The following ANGPTL1 variants were observed in gnomAD, a reference collection of about 807,000 sequenced individuals.
The protein encoded by ANGPTL1 is angiopoietin-related protein 1.
A neutral mutation model predicts 46.7 loss-of-function variants in ANGPTL1; 36 were observed. That is an observed-to-expected ratio of 0.77 (90% CI 0.59 to 1.02). ANGPTL1 has a LOEUF of 1.02. Ranked by LOEUF, ANGPTL1 falls within the 50% of genes least tolerant of loss-of-function variation. ANGPTL1 has a pLI of 0.00. For synonymous variants in ANGPTL1, 221 were observed against 204.3 expected (o/e 1.08, Z -0.69); for missense variants, 571 against 594.7 (o/e 0.96, Z 0.41).
chr1:178,856,234 T>TACAC (rs1368301659), intron 3 of ANGPTL1, among the ~76,000 whole-genome samples: 13 of 128,778 alleles, frequency 1.0e-4, no homozygotes, highest in African/African-American at 3.8e-4. Flanking sequence ...TATATATATA[T>TACAC]GGTTTTGGGT....
chr1:178,854,503 A>G lies in ANGPTL1; in HGVS notation c.824-716T>C, dbSNP rs141918348. On this transcript the variant is annotated intron_variant, in intron 3 of 5. Coordinates refer to ENST00000234816, the MANE Select transcript of ANGPTL1 (RefSeq NM_004673.4). ...CTCATAGAATCTTAAATTTCCCCCA[A>G]CAACACTTACTAACAGCCCATGAGA... 9.2e-3 allele frequency among the ~76,000 whole-genome samples: 1,397 copies of G among 152,244 alleles called. 26 individuals carry two copies. The highest frequency in any genetic ancestry group is 0.03 in the African/African-American group (1,227 of 41,566).
In ANGPTL1 at chr1:178,865,514, A is replaced by G. The variant is rs1202208349; in HGVS notation, c.263T>C (p.Leu88Pro). ...DMITRMDLENLKDVLSRQKRE... is the reference protein window; with the variant it reads ...DMITRMDLENPKDVLSRQKRE... The stretch of plus-strand genomic sequence containing the variant: ...CTTCTGCCTGGAGAGCACATCCTTC[A>G]GGTTTTCAAGGTCCATCCTGGTGAT... The change falls in exon 3 of 6, where the codon CTG becomes CCG. Residue 88 changes from leucine to proline, a missense_variant. Physicochemically the swap from Leu to Pro is moderately conservative, Grantham distance 98 (BLOSUM62 -3). Coordinates refer to ENST00000234816, the MANE Select transcript of ANGPTL1 (RefSeq NM_004673.4). The G allele has an allele frequency of 6.2e-7, 1 of 1,613,954 alleles. No individual in the cohort carries two copies. Among genetic ancestry groups the G allele is most frequent in the East Asian group, 2.2e-5 (1 of 44,880 alleles).
intron 3 of ANGPTL1, among the ~76,000 whole-genome samples, chr1:178,860,654 A>G (rs1657939521): frequency 6.6e-6 from 1 of 152,218 alleles, no homozygotes; most frequent in Non-Finnish European, 1.5e-5. Context: ...TATGAATTTG[A>G]CCACTCTAAA....
At chr1:178,860,647 G>T (rs981361677) in intron 3 of ANGPTL1, among the ~76,000 whole-genome samples, 5 of 152,128 alleles carry the variant, frequency 3.3e-5, no homozygotes, top group African/African-American at 1.2e-4. Flanking sequence ...TTCTGTCTAT[G>T]AATTTGACCA....
In ANGPTL1 at chr1:178,865,069, A is replaced by ACCTC; in HGVS notation, c.704_707dup (p.Asn237ArgfsTer2). ...AACCTGGATCCCTCTGAATCTCGTT[A>ACCTC]CCTCCCAGCAGACCAGGAGTATACT... On this transcript the variant is annotated frameshift_variant, in exon 3 of 6. Coordinates refer to ENST00000234816, the MANE Select transcript of ANGPTL1 (RefSeq NM_004673.4). LOFTEE classifies it high-confidence loss of function. 6.6e-7 allele frequency: 1 copy of ACCTC among 1,516,248 alleles called. No homozygotes were observed. The highest frequency in any genetic ancestry group is 2.3e-5 in the East Asian group (1 of 43,756). 93.9% of individuals were successfully genotyped at this position (1,516,248 alleles called of 1,614,324 possible). A position where few individuals can be genotyped will look rare whatever the true frequency, so the allele number is the denominator to read the frequency against.
In ANGPTL1 at chr1:178,852,904, A is replaced by G. The variant is rs1290520063; in HGVS notation, c.1067T>C (p.Ile356Thr). Residue 356 changes from isoleucine (I) to threonine (T), a missense_variant, in exon 5 of 6, where the codon ATC (isoleucine) becomes ACC (threonine). Transcript: ENST00000234816. ...DGEYWLGLEN[I>T]YMLSNQDNYK... ...ATTATCTTGATTGCTAAGCATATAGATATTTTCCAGTCCAAGCCAGTATTC... is the reference window on the plus strand; with the variant it reads ...ATTATCTTGATTGCTAAGCATATAGGTATTTTCCAGTCCAAGCCAGTATTC... The G allele has an allele frequency of 3.1e-6, 5 of 1,613,700 alleles. No homozygotes were observed. In the Admixed American group the frequency reaches 5.0e-5, roughly 16 times the overall value.
chr1:178,866,037 G>A (rs1211732838), intron 2 of ANGPTL1, among the ~76,000 whole-genome samples: 1 of 152,062 alleles, frequency 6.6e-6, no homozygotes, highest in Non-Finnish European at 1.5e-5. Context: ...CCACCTTATT[G>A]TAATCCTTTT....
chr1:178,859,991 T>A (rs1657887342), intron 3 of ANGPTL1, among the ~76,000 whole-genome samples: 1 of 151,976 alleles, frequency 6.6e-6, no homozygotes, highest in Non-Finnish European at 1.5e-5. Context: ...CACTTCTACC[T>A]GTACCCCCTC....
At chr1:178,858,639 A>G (rs1572412878) in intron 3 of ANGPTL1, among the ~76,000 whole-genome samples, 2 of 152,342 alleles carry the variant, frequency 1.3e-5, no homozygotes, top group Admixed American at 1.3e-4. Context: ...TGTGAGGATT[A>G]AAGTTTACAT....
At chr1:178,867,408 T>G (rs566850313) in intron 2 of ANGPTL1, among the ~76,000 whole-genome samples, 1 of 152,210 alleles carries the variant, frequency 6.6e-6, no homozygotes, top group East Asian at 1.9e-4. Flanking sequence ...TCCCCTGTAT[T>G]TATGTAGCTT....
In ANGPTL1 at chr1:178,865,151, G is replaced by A; in HGVS notation, c.626C>T (p.Thr209Ile). The A allele has an allele frequency of 6.2e-7, 1 of 1,603,332 alleles. No individual in the cohort carries two copies. The highest frequency in any genetic ancestry group is 8.5e-7 in the Non-Finnish European group (1 of 1,173,082). ...QCLRIFSRQD[T>I]HVSPPLVQVV... ...CTGGACAAGTGGGGGAGACACATGG[G>A]TGTCTTGTCGGGAAAATATCCTCAA... Residue 209 changes from threonine to isoleucine, a missense_variant, in exon 3 of 6, where the codon ACC becomes ATC. Physicochemically the swap from Thr to Ile is moderately conservative, Grantham distance 89. Coordinates refer to ENST00000234816, the MANE Select transcript of ANGPTL1 (RefSeq NM_004673.4).
chr1:178,850,081 G>C lies in ANGPTL1; in HGVS notation c.*1048C>G, dbSNP rs928755523. 5 of 152,612 alleles carry C rather than the reference G, an allele frequency of 3.3e-5. No individual in the cohort carries two copies. The highest frequency in any genetic ancestry group is 1.2e-4 in the African/African-American group (5 of 41,440). The allele number at this position is 152,612 out of a possible 1,614,324, so 9.5% of individuals were successfully genotyped here. A position where few individuals can be genotyped will look rare whatever the true frequency, so the allele number is the denominator to read the frequency against. ...CACTGTAAAATGAAATTAGCAGTTT[G>C]GACTAAGCTATGCCCCTGTGGCTTC... On this transcript the variant is annotated 3_prime_UTR_variant, in exon 6 of 6. Coordinates refer to ENST00000234816, the MANE Select transcript of ANGPTL1 (RefSeq NM_004673.4).
chr1:178,851,468 G>A (rs917022675), intron 5 of ANGPTL1, 152 bp from the exon 6 acceptor site: 6 of 633,326 alleles, frequency 9.5e-6, no homozygotes, highest in Admixed American at 3.6e-5. Flanking sequence ...TCACTTACTT[G>A]ATGGCTGTTG....
chr1:178,851,952 A>G (rs1370280036), intron 5 of ANGPTL1, among the ~76,000 whole-genome samples: 1 of 152,158 alleles, frequency 6.6e-6, no homozygotes, highest in African/African-American at 2.4e-5. Flanking sequence ...AGTCAAAAGC[A>G]TATGAAAACT....
At chr1:178,863,387 C>T (rs200851496) in intron 3 of ANGPTL1, among the ~76,000 whole-genome samples, 1 of 151,854 alleles carries the variant, frequency 6.6e-6, no homozygotes, top group Non-Finnish European at 1.5e-5. Flanking sequence ...AGGAGACAGA[C>T]ATAAATAAAT....
At chr1:178,854,659 TTAAC>T (rs1172030883) in intron 3 of ANGPTL1, among the ~76,000 whole-genome samples, 1 of 152,202 alleles carries the variant, frequency 6.6e-6, no homozygotes, top group Non-Finnish European at 1.5e-5. Flanking sequence ...GATAGAACGA[TTAAC>T]TAAGGTCATG....
At chr1:178,854,766 T>A (rs1465754015) in intron 3 of ANGPTL1, among the ~76,000 whole-genome samples, 1 of 152,112 alleles carries the variant, frequency 6.6e-6, no homozygotes, top group Non-Finnish European at 1.5e-5. Flanking sequence ...GCATTTGCCC[T>A]CATGTTATTT....
chr1:178,850,311 A>G lies in ANGPTL1; in HGVS notation c.*818T>C, dbSNP rs192790640. ...AAAAAAGTAATAATAAATTAGAACT[A>G]TAATTCAGATCTGTAGCACACTAAA... On this transcript the variant is annotated 3_prime_UTR_variant, in exon 6 of 6. Coordinates refer to ENST00000234816, the MANE Select transcript of ANGPTL1 (RefSeq NM_004673.4). The G allele has an allele frequency of 2.0e-5, 3 of 152,768 alleles. No individual in the cohort carries two copies. The East Asian group carries it at 5.8e-4, about 29-fold the overall frequency. The allele number at this position is 152,768 out of a possible 1,614,324, so 9.5% of individuals were successfully genotyped here. A position where few individuals can be genotyped will look rare whatever the true frequency, so the allele number is the denominator to read the frequency against.
At chr1:178,859,550 C>T (rs889463155) in intron 3 of ANGPTL1, among the ~76,000 whole-genome samples, 7 of 150,674 alleles carry the variant, frequency 4.6e-5, no homozygotes, top group African/African-American at 1.7e-4. Context: ...ATTACAGGCG[C>T]CCGCCACTAC....
Sources: allele counts gnomAD v4.1 joint callset (sites outside exome capture counted in the v4.1 genomes callset), GRCh38; gene constraint gnomAD v4.1.1; transcripts MANE v1.5; gene names NCBI Gene and HGNC (gene_info 2026-07-23, HGNC 2026-07-21).